The following KDELR2 variants were observed in gnomAD, a reference collection of about 807,000 sequenced individuals.
The protein encoded by KDELR2 is KDEL endoplasmic reticulum protein retention receptor 2.
Under a neutral mutation model 23.9 loss-of-function variants are expected in KDELR2, and 15 were observed. That is an observed-to-expected ratio of 0.63 (90% confidence interval 0.42 to 0.97). The LOEUF (loss-of-function observed/expected upper bound fraction) is 0.97. KDELR2 is among the 50% of genes least tolerant of loss of function. KDELR2 has a pLI of 0.00. For synonymous variants in KDELR2, 119 were observed against 106.2 expected, an observed-to-expected ratio of 1.12 and a Z score of -0.74; for missense variants, 272 against 254.6, an observed-to-expected ratio of 1.07 and a Z score of -0.46.
intron 1 of KDELR2, among the ~76,000 whole-genome samples, chr7:6,478,202 C>T (rs1435877253): frequency 1.3e-5 from 2 of 151,976 alleles, no homozygotes; most frequent in African/African-American, 2.4e-5. Flanking sequence ...GTTGCCCAAC[C>T]CAGGGTATAA....
At chr7:6,464,734 C>CTTTTTTTTT (rs201529691) in intron 4 of KDELR2, among the ~76,000 whole-genome samples, 2 of 111,232 alleles carry the variant, frequency 1.8e-5, no homozygotes, top group East Asian at 4.5e-4. Flanking sequence ...TCTTTTTTTT[C>CTTTTTTTTT]TTTTTTTTTT....
intron 2 of KDELR2, 33 bp from the exon 3 acceptor site, chr7:6,469,787 T>G: frequency 6.4e-7 from 1 of 1,571,902 alleles, no homozygotes; most frequent in Non-Finnish European, 8.6e-7. Context: ...CAGGTGTCAA[T>G]ACCTTGCCAC....
At position 6,469,682 on chromosome 7, in the gene KDELR2, T is replaced by G; in HGVS notation, c.265A>C (p.Asn89His). The G allele has an allele frequency of 6.2e-7, 1 of 1,614,078 alleles. No homozygotes were observed. Among genetic ancestry groups the G allele is most frequent in the Non-Finnish European group, 8.5e-7 (1 of 1,179,970 alleles). Residue 89 changes from asparagine to histidine, a missense_variant, in exon 3 of 5, where the codon AAT (asparagine) becomes CAT (histidine). Transcript: ENST00000258739. ...YLKFKATYDG[N>H]HDTFRVEFLV... ...AACTCCACTCGGAAGGTATCATGAT[T>G]TCCATCGTAGGTTGCCTTAAATTTC...
rs755956044 is a variant in KDELR2, at chr7:6,462,107, G to C, written c.*1034C>G. 1 of 151,978 alleles carries C rather than the reference G, an allele frequency of 6.6e-6. No homozygotes were observed. 9.4% of individuals were successfully genotyped at this position (151,978 alleles called of 1,614,324 possible). ...AAAACAAAACAAAACAAGAAACTACGATGTCGGCTGCGGGTTAAATAAAAA... is the reference window on the plus strand; with the variant it reads ...AAAACAAAACAAAACAAGAAACTACCATGTCGGCTGCGGGTTAAATAAAAA... On this transcript the variant is annotated 3_prime_UTR_variant, in exon 5 of 5. Coordinates refer to ENST00000258739, the MANE Select transcript of KDELR2 (RefSeq NM_006854.4).
chr7:6,473,080 G>GTA, intron 2 of KDELR2, among the ~76,000 whole-genome samples: 1 of 42,692 alleles, frequency 2.3e-5, no homozygotes, highest in South Asian at 5.7e-4. Flanking sequence ...GCTAATTTTT[G>GTA]TATTTTTTTT....
intron 4 of KDELR2, among the ~76,000 whole-genome samples, chr7:6,465,087 C>A (rs1785472964): frequency 7.9e-6 from 1 of 126,422 alleles, no homozygotes; most frequent in Admixed American, 7.8e-5. Context: ...TATTGTATAG[C>A]TGGATTTTTA....
Position 6,464,708 on chromosome 7 carries a change from G to C in KDELR2, c.604+1363C>G, listed in dbSNP as rs1003179828. On this transcript the variant is annotated intron_variant, in intron 4 of 4. Coordinates refer to ENST00000258739, the MANE Select transcript of KDELR2 (RefSeq NM_006854.4). Reference sequence around the variant, plus strand: ...GTCTCAAAAAAAACAAAAGGAAAGAGATAAGACATATATGCTCTTTTTTTT... The same window carrying C: ...GTCTCAAAAAAAACAAAAGGAAAGACATAAGACATATATGCTCTTTTTTTT... Among the ~76,000 whole-genome samples, 4 of 148,532 alleles carry C rather than the reference G, an allele frequency of 2.7e-5. No homozygotes were observed. In the East Asian group the frequency reaches 8.0e-4, roughly 30 times the overall value.
At chr7:6,478,611 A>G (rs189282457) in intron 1 of KDELR2, among the ~76,000 whole-genome samples, 4 of 152,226 alleles carry the variant, frequency 2.6e-5, no homozygotes, top group Admixed American at 6.5e-5. Context: ...GGTATATTAC[A>G]GATTATTTCA....
At chr7:6,481,403 C>G (rs1331777911) in intron 1 of KDELR2, among the ~76,000 whole-genome samples, 1 of 149,650 alleles carries the variant, frequency 6.7e-6, no homozygotes, top group Non-Finnish European at 1.5e-5. Flanking sequence ...AATCATTATT[C>G]TGAAGTTGCA....
chr7:6,476,107 A>G (rs2115331426), intron 1 of KDELR2, among the ~76,000 whole-genome samples: 1 of 152,310 alleles, frequency 6.6e-6, no homozygotes, highest in Middle Eastern at 3.4e-3. Context: ...TTGTTTTTCA[A>G]TATTTTATGA....
chr7:6,467,686 A>G (rs987102763), intron 3 of KDELR2, among the ~76,000 whole-genome samples: 2 of 152,034 alleles, frequency 1.3e-5, no homozygotes, highest in African/African-American at 4.8e-5. Context: ...GCTTGAACCC[A>G]GGAGGCGGAG....
chr7:6,471,392 C>G (rs904806871), intron 2 of KDELR2, among the ~76,000 whole-genome samples: 2 of 151,912 alleles, frequency 1.3e-5, no homozygotes, highest in East Asian at 3.9e-4. Flanking sequence ...GTTGGTCAGG[C>G]TGGTCTCGAA....
In KDELR2 at chr7:6,462,478, T is replaced by G. The variant is rs1045970727; in HGVS notation, c.*663A>C. On this transcript the variant is annotated 3_prime_UTR_variant, in exon 5 of 5. Coordinates refer to ENST00000258739, the MANE Select transcript of KDELR2 (RefSeq NM_006854.4). Reference sequence around the variant, plus strand: ...CAGCAGGGGAGGAGGGCAGGCACCTTTGGTGACTCTTCAGTGAGACTCCAT... The same window carrying G: ...CAGCAGGGGAGGAGGGCAGGCACCTGTGGTGACTCTTCAGTGAGACTCCAT... 1.3e-5 allele frequency: 2 copies of G among 157,126 alleles called. No individual in the cohort carries two copies. The highest frequency in any genetic ancestry group is 4.8e-5 in the African/African-American group (2 of 41,472). 9.7% of individuals were successfully genotyped at this position (157,126 alleles called of 1,614,324 possible).
At position 6,469,296 on chromosome 7, in the gene KDELR2, C is replaced by T. The variant is rs541405186; in HGVS notation, c.351+300G>A. Among the ~76,000 whole-genome samples the T allele has an allele frequency of 2.6e-5, 4 of 152,152 alleles. No homozygotes were observed. The South Asian group carries it at 6.2e-4, about 24-fold the overall frequency. On this transcript the variant is annotated intron_variant, in intron 3 of 4. Transcript: ENST00000258739. ...CCCTCGAGACAGTCTTGCTCTGTCA[C>T]CCAGGCTGGAGTACAATGGCGTGAT...
intron 2 of KDELR2, among the ~76,000 whole-genome samples, chr7:6,470,675 T>A (rs927263753): frequency 2.0e-5 from 3 of 152,236 alleles, no homozygotes; most frequent in Non-Finnish European, 4.4e-5. Context: ...TTGAACTTTA[T>A]GGTAGTAGGA....
At chr7:6,474,017 T>C (rs976581198) in intron 2 of KDELR2, 167 bp downstream of exon 2, 6 of 493,758 alleles carry the variant, frequency 1.2e-5, no homozygotes, top group Non-Finnish European at 1.8e-5. Flanking sequence ...GCTCGTTTAG[T>C]CCCAGTTATA....
intron 4 of KDELR2, among the ~76,000 whole-genome samples, chr7:6,465,181 CTTTT>C (rs1211865175): frequency 3.7e-5 from 5 of 134,152 alleles, no homozygotes; most frequent in Admixed American, 7.5e-5. Context: ...GCGTAAATAT[CTTTT>C]TTTTTTTTTT....
chr7:6,464,900 C>G (rs1422800470), intron 4 of KDELR2, among the ~76,000 whole-genome samples: 1 of 151,870 alleles, frequency 6.6e-6, no homozygotes, highest in East Asian at 2.0e-4. Context: ...CCACACCCGG[C>G]TAATTTTGTA....
chr7:6,468,739 C>T (rs995962400), intron 3 of KDELR2, among the ~76,000 whole-genome samples: 2 of 151,652 alleles, frequency 1.3e-5, no homozygotes, highest in Non-Finnish European at 2.9e-5. Context: ...CCCTTGACTT[C>T]GTGTCCCACC....
Sources: allele counts gnomAD v4.1 joint callset (sites outside exome capture counted in the v4.1 genomes callset), GRCh38; gene constraint gnomAD v4.1.1; transcripts MANE v1.5; gene names NCBI Gene and HGNC (gene_info 2026-07-23, HGNC 2026-07-21).